NRG1: variants seen among roughly 807,000 people sequenced by gnomAD.
The protein encoded by NRG1 is pro-neuregulin-1, membrane-bound isoform.
A neutral mutation model predicts 63.8 loss-of-function variants in NRG1; 18 were observed. The observed-to-expected ratio is 0.28, with a 90% CI of 0.19 to 0.42. The LOEUF is 0.42. Among genes scored for constraint, NRG1 ranks in the 10% least tolerant of loss-of-function variants. NRG1 has a pLI of 1.00. For synonymous variants in NRG1, 302 were observed against 301.3 expected (o/e 1.00, Z -0.02); for missense variants, 762 against 814.7 (o/e 0.94, Z 0.79).
intron 8 of NRG1, among the ~76,000 whole-genome samples, chr8:32,754,997 C>G (rs1354895473): frequency 6.6e-6 from 1 of 152,118 alleles, no homozygotes; most frequent in South Asian, 2.1e-4. Context: ...TTCGTGGTAT[C>G]TGAAATGCAG....
At chr8:31,944,660 A>G (rs980712673) in intron 1 of NRG1, among the ~76,000 whole-genome samples, 7 of 152,196 alleles carry the variant, frequency 4.6e-5, no homozygotes, top group Admixed American at 4.6e-4. Flanking sequence ...ACAGATCCTA[A>G]ACATGTAAAC....
intron 1 of NRG1, among the ~76,000 whole-genome samples, chr8:31,905,829 T>G (rs138389423): frequency 6.6e-6 from 1 of 152,332 alleles, no homozygotes; most frequent in Admixed American, 6.5e-5. Flanking sequence ...GCATAATATC[T>G]CTGCTCTTTA....
chr8:32,691,054 GAGA>G (rs1563955921), intron 5 of NRG1, among the ~76,000 whole-genome samples: 1 of 151,802 alleles, frequency 6.6e-6, no homozygotes, highest in Non-Finnish European at 1.5e-5. Context: ...ATTAAAAGGT[GAGA>G]TGCAGGCTGG....
chr8:31,854,139 A>G (rs370256617), intron 1 of NRG1, among the ~76,000 whole-genome samples: 2 of 151,148 alleles, frequency 1.3e-5, no homozygotes, highest in African/African-American at 2.4e-5. Flanking sequence ...AATGAGTTAG[A>G]GAGGATTCCC....
chr8:32,604,828 T>TA (rs1213344191), intron 2 of NRG1, among the ~76,000 whole-genome samples: 1 of 152,008 alleles, frequency 6.6e-6, no homozygotes, highest in African/African-American at 2.4e-5. Flanking sequence ...TTATAGGTTA[T>TA]GTGCAACAGT....
At chr8:32,694,044 T>C (rs554469813) in intron 5 of NRG1, among the ~76,000 whole-genome samples, 3 of 152,298 alleles carry the variant, frequency 2.0e-5, no homozygotes, top group African/African-American at 7.2e-5. Flanking sequence ...GTTTTTGGCT[T>C]GGTTTCAGCT....
chr8:32,079,050 G>T (rs1277895507), intron 1 of NRG1, among the ~76,000 whole-genome samples: 1 of 151,970 alleles, frequency 6.6e-6, no homozygotes, highest in Admixed American at 6.6e-5. Context: ...CTTAAAAGCT[G>T]GGACAGGCAT....
At chr8:32,018,442 A>G (rs1233428437) in intron 1 of NRG1, among the ~76,000 whole-genome samples, 6 of 152,238 alleles carry the variant, frequency 3.9e-5, no homozygotes, top group African/African-American at 1.4e-4. Context: ...AATGTTTTAC[A>G]TATTTAAAGG....
intron 1 of NRG1, among the ~76,000 whole-genome samples, chr8:32,176,096 AC>A (rs1840699450): frequency 6.6e-6 from 1 of 152,228 alleles, no homozygotes; most frequent in Non-Finnish European, 1.5e-5. Flanking sequence ...GGCTACAGTA[AC>A]CAAAACAGCA....
chr8:32,544,472 ATTATTTATTTATTTATTTATTTAT>A (rs10574242), upstream of NRG1, among the ~76,000 whole-genome samples: 4 of 139,868 alleles, frequency 2.9e-5, no homozygotes, highest in East Asian at 2.1e-4. Context: ...TGCCTAGCTT[ATTATTTATTTATTTATTTATTTAT>A]TTATTTATTT....
At chr8:31,838,415 T>A (rs1358835737) in intron 1 of NRG1, among the ~76,000 whole-genome samples, 1 of 152,144 alleles carries the variant, frequency 6.6e-6, no homozygotes, top group African/African-American at 2.4e-5. Context: ...AGGCTGTTCT[T>A]CACCACTGTT....
At chr8:31,935,562 T>G (rs1835233154) in intron 1 of NRG1, among the ~76,000 whole-genome samples, 3 of 152,192 alleles carry the variant, frequency 2.0e-5, no homozygotes, top group Non-Finnish European at 4.4e-5. Context: ...CAGCCTCTCA[T>G]TGTTTTCCAT....
chr8:32,260,202 A>C (rs891523934), intron 1 of NRG1, among the ~76,000 whole-genome samples: 4 of 152,214 alleles, frequency 2.6e-5, no homozygotes, highest in African/African-American at 7.2e-5. Context: ...TTAGTAGGAA[A>C]GATGCATCAA....
At chr8:31,800,464 G>A (rs1247287253) in intron 1 of NRG1, among the ~76,000 whole-genome samples, 4 of 152,130 alleles carry the variant, frequency 2.6e-5, no homozygotes, top group Non-Finnish European at 5.9e-5. Flanking sequence ...GTGACCAAAT[G>A]TTTCTACCGC....
At chr8:32,712,161 G>C (rs774851539) in intron 5 of NRG1, among the ~76,000 whole-genome samples, 7 of 152,166 alleles carry the variant, frequency 4.6e-5, no homozygotes, top group Non-Finnish European at 8.8e-5. Flanking sequence ...ATTCTAGCAT[G>C]TGAAAGAATC....
At chr8:32,293,718 CTTTT>C (rs770993591) in intron 1 of NRG1, among the ~76,000 whole-genome samples, 9 of 108,272 alleles carry the variant, frequency 8.3e-5, no homozygotes, top group Non-Finnish European at 3.7e-5. Flanking sequence ...TTTTCTTCTT[CTTTT>C]TTTTTTTTTT....
chr8:32,201,492 C>T (rs868002534), intron 1 of NRG1, among the ~76,000 whole-genome samples: 2 of 152,286 alleles, frequency 1.3e-5, no homozygotes, highest in South Asian at 4.1e-4. Context: ...ATCATTTATT[C>T]CAACCTCTCC....
At chr8:32,097,675 T>C (rs1587122252) in intron 1 of NRG1, among the ~76,000 whole-genome samples, 1 of 152,126 alleles carries the variant, frequency 6.6e-6, no homozygotes, top group Admixed American at 6.6e-5. Flanking sequence ...GAATCTATTT[T>C]AGAAACAGAG....
At position 32,400,192 on chromosome 8, in the gene NRG1, T is replaced by C. The variant is rs573573918; in HGVS notation, c.38-195636T>C. Among the ~76,000 whole-genome samples the C allele has an allele frequency of 2.9e-4, 44 of 152,296 alleles. 2 individuals are homozygous for C. Among genetic ancestry groups the C allele is most frequent in the African/African-American group, 1.1e-3 (44 of 41,570 alleles). On this transcript the variant is annotated intron_variant, in intron 1 of 10. Transcript: ENST00000519301. The stretch of plus-strand genomic sequence containing the variant: ...TGTAGTATCGCTTCAAATATCTATG[T>C]AGAAAGCATAGTTTATTAAACTAAA...
Sources: gnomAD v4.1 joint callset for allele counts (sites outside exome capture counted in the v4.1 genomes callset) on GRCh38, gnomAD v4.1.1 for gene constraint, MANE v1.5 for transcripts, NCBI Gene and HGNC (gene_info 2026-07-23, HGNC 2026-07-21) for gene names.